ZNF605: variants seen among roughly 807,000 people sequenced by gnomAD.
ZNF605 encodes the protein zinc finger protein 605.
ZNF605 carries 9 observed loss-of-function variants against 7.9 expected under a neutral mutation model. That is an observed-to-expected ratio of 1.14 (90% CI 0.68 to 1.98). The LOEUF is 1.98. Among genes scored for constraint, ZNF605 ranks in the 30% most tolerant of loss-of-function variants. The pLI, the probability that ZNF605 is intolerant of heterozygous loss-of-function variation, is 0.00. For synonymous variants in ZNF605, 255 were observed against 260.1 expected, an observed-to-expected ratio of 0.98 and a Z score of 0.19; for missense variants, 673 against 762.4, an observed-to-expected ratio of 0.88 and a Z score of 1.38.
At chr12:132,937,800 G>C (rs893604048) in intron 3 of ZNF605, among the ~76,000 whole-genome samples, 3 of 152,166 alleles carry the variant, frequency 2.0e-5, no homozygotes, top group Non-Finnish European at 2.9e-5. Context: ...GAACAATTAA[G>C]ATGTCCTTCA....
At chr12:132,940,848 C>T (rs1952429148) in intron 3 of ZNF605, among the ~76,000 whole-genome samples, 8 of 152,082 alleles carry the variant, frequency 5.3e-5, no homozygotes, top group Non-Finnish European at 4.4e-5. Context: ...ATCCTGTCGC[C>T]CAGGTGGTGA....
intron 3 of ZNF605, among the ~76,000 whole-genome samples, chr12:132,942,051 T>G (rs976994032): frequency 3.9e-5 from 6 of 152,228 alleles, no homozygotes; most frequent in Non-Finnish European, 8.8e-5. Flanking sequence ...TTTTTGGTTA[T>G]GTAAAAATAT....
rs2137134020 is a variant in ZNF605 at position 132,933,558 on chromosome 12, T to C, written c.16-403A>G. Among the ~76,000 whole-genome samples the C allele has an allele frequency of 1.3e-5, 2 of 152,330 alleles. No individual in the cohort carries two copies. Among genetic ancestry groups the C allele is most frequent in the African/African-American group, 4.8e-5 (2 of 41,582 alleles). On this transcript the variant is annotated intron_variant, in intron 3 of 4. Coordinates refer to ENST00000360187, the MANE Select transcript of ZNF605 (RefSeq NM_183238.4). This position sits in a 1 kb window ranked among gnomAD's most constrained non-coding sequence, Gnocchi z 4.4. ...CCTCGCTGCAGCCCTTCTCAACACC[T>C]TCATCACTGCATCATGTGAGACCCT...
intron 1 of ZNF605, chr12:132,948,698 G>A (rs1471963774): frequency 6.6e-6 from 1 of 152,118 alleles, no homozygotes; most frequent in Non-Finnish European, 1.5e-5. Context: ...GTTAGGACTG[G>A]ATATTAGCAA....
chr12:132,925,638 T>C lies in ZNF605; in HGVS notation c.1661A>G (p.Asn554Ser). 3 of 1,613,962 alleles carry C rather than the reference T, an allele frequency of 1.9e-6. No individual in the cohort carries two copies. The highest frequency in any genetic ancestry group is 1.3e-5 in the African/African-American group (1 of 75,002). Reference sequence around the variant, plus strand: ...TCCATAGGTTTTCTCTCCTGTGTGATTTCTTTGATGCTTAATGAGCTGCAC... The same window carrying C: ...TCCATAGGTTTTCTCTCCTGTGTGACTTCTTTGATGCTTAATGAGCTGCAC... ...QKVQLIKHQR[N>S]HTGEKTYGCS... is the part of the protein sequence containing the mutation. The change falls in exon 5 of 5, where the codon AAT becomes AGT. Residue 554 changes from asparagine (N) to serine (S), a missense_variant. Transcript: ENST00000360187.
Position 132,925,310 on chromosome 12 carries a change from CAA to C in ZNF605, c.*61_*62del. ...AGGGTTTCTCTCCCACATGCATCCTCAAAAGTGTCAGAAAGTATGACACTTGA... is the reference window on the plus strand; with the variant it reads ...AGGGTTTCTCTCCCACATGCATCCTCAAGTGTCAGAAAGTATGACACTTGA... On this transcript the variant is annotated 3_prime_UTR_variant, in exon 5 of 5. Transcript: ENST00000360187. 2 of 1,300,450 alleles carry C rather than the reference CAA, an allele frequency of 1.5e-6. No homozygotes were observed. Among genetic ancestry groups the C allele is most frequent in the South Asian group, 1.5e-5 (1 of 66,954 alleles). 80.6% of individuals were successfully genotyped at this position (1,300,450 alleles called of 1,614,324 possible).
rs1225681333 is a variant in ZNF605, at chr12:132,918,868, G to C, written c.*6505C>G. ...CCCAAAGTGCTGGGATGACAGGCGT[G>C]AGCCATCGCACCTGGCCAGCCTTAC... On this transcript the variant is annotated 3_prime_UTR_variant, in exon 5 of 5. Coordinates refer to ENST00000360187, the MANE Select transcript of ZNF605 (RefSeq NM_183238.4). 6.6e-6 allele frequency: 1 copy of C among 152,310 alleles called. No homozygotes were observed. The highest frequency in any genetic ancestry group is 2.4e-5 in the African/African-American group (1 of 41,458). 9.4% of individuals were successfully genotyped at this position (152,310 alleles called of 1,614,324 possible). A position where few individuals can be genotyped will look rare whatever the true frequency, so the allele number is the denominator to read the frequency against.
chr12:132,954,849 C>A (rs1414669734), intron 1 of ZNF605, among the ~76,000 whole-genome samples: 1 of 152,088 alleles, frequency 6.6e-6, no homozygotes, highest in Non-Finnish European at 1.5e-5. Flanking sequence ...CAACTTGCAA[C>A]AGGTCCACCA....
chr12:132,926,231 C>G lies in ZNF605; in HGVS notation c.1068G>C (p.Gln356His). 1 of 1,614,176 alleles carries G rather than the reference C, an allele frequency of 6.2e-7. No homozygotes were observed. Among genetic ancestry groups the G allele is most frequent in the Non-Finnish European group, 8.5e-7 (1 of 1,180,026 alleles). ...FSRNSLLIRH[Q>H]RIHTGEKPYE... ...AGGGCTTCTCTCCTGTATGAATCCT[C>G]TGATGCCTAATGAGAAGTGAGTTCC... Residue 356 changes from glutamine (Q) to histidine (H), a missense_variant, in exon 5 of 5, where the codon CAG (glutamine) becomes CAC (histidine). Gln to His is a conservative substitution (Grantham distance 24). Coordinates refer to ENST00000360187, the MANE Select transcript of ZNF605 (RefSeq NM_183238.4).
chr12:132,931,185 A>C (rs1952305106), intron 4 of ZNF605, among the ~76,000 whole-genome samples: 1 of 152,146 alleles, frequency 6.6e-6, no homozygotes, highest in African/African-American at 2.4e-5. Flanking sequence ...GTCTCAAAAA[A>C]ATTTTTTAAA....
intron 1 of ZNF605, among the ~76,000 whole-genome samples, chr12:132,953,756 G>A (rs1360620817): frequency 2.0e-5 from 3 of 151,814 alleles, no homozygotes; most frequent in South Asian, 2.1e-4. Flanking sequence ...CACATTCACC[G>A]CAAATGGCAA....
Position 132,933,541 on chromosome 12 carries a change from C to G in ZNF605, c.16-386G>C, listed in dbSNP as rs938472941. Among the ~76,000 whole-genome samples the G allele has an allele frequency of 6.6e-6, 1 of 152,212 alleles. No homozygotes were observed. Among genetic ancestry groups the G allele is most frequent in the Non-Finnish European group, 1.5e-5 (1 of 68,036 alleles). On this transcript the variant is annotated intron_variant, in intron 3 of 4. Transcript: ENST00000360187. This position sits in a 1 kb window ranked among gnomAD's most constrained non-coding sequence, Gnocchi z 4.4. ...GGAGGAGCCAGCTCCTTCCTCGCTG[C>G]AGCCCTTCTCAACACCTTCATCACT...
At chr12:132,938,774 G>A (rs1359663179) in intron 3 of ZNF605, among the ~76,000 whole-genome samples, 4 of 152,246 alleles carry the variant, frequency 2.6e-5, no homozygotes, top group South Asian at 2.1e-4. Flanking sequence ...AGCGGGAACC[G>A]GGGCTGTGTG....
intron 4 of ZNF605, among the ~76,000 whole-genome samples, chr12:132,927,527 G>T (rs11610530): frequency 6.6e-6 from 1 of 151,638 alleles, no homozygotes; most frequent in African/African-American, 2.4e-5. Flanking sequence ...CACCACACCC[G>T]GCTACTTTTT....
rs771283701 is a variant in ZNF605 at position 132,925,605 on chromosome 12, T to G, written c.1694A>C (p.Asp565Ala). The change falls in exon 5 of 5, where the codon GAT (aspartate) becomes GCT (alanine). Residue 565 changes from aspartate (D) to alanine (A), a missense_variant. Asp to Ala is a moderately radical substitution (Grantham distance 126, BLOSUM62 -2). Transcript: ENST00000360187. ...HTGEKTYGCSDCAKAFFEKAQ... is the reference protein window; with the variant it reads ...HTGEKTYGCSACAKAFFEKAQ... ...CTTCTCAAAGAAAGCTTTTGCACAA[T>G]CGCTGCATCCATAGGTTTTCTCTCC... The G allele has an allele frequency of 1.1e-5, 18 of 1,614,206 alleles. No homozygotes were observed. The African/African-American group carries it at 1.7e-4, about 16-fold the overall frequency.
At chr12:132,937,462 T>C (rs1268725906) in intron 3 of ZNF605, among the ~76,000 whole-genome samples, 1 of 151,202 alleles carries the variant, frequency 6.6e-6, no homozygotes, top group Non-Finnish European at 1.5e-5. Flanking sequence ...AAAACTATAA[T>C]GAAAAACTAC....
rs1952182846 is a variant in ZNF605 at position 132,919,321 on chromosome 12, T to G, written c.*6052A>C. On this transcript the variant is annotated 3_prime_UTR_variant, in exon 5 of 5. Coordinates refer to ENST00000360187, the MANE Select transcript of ZNF605 (RefSeq NM_183238.4). Reference sequence around the variant, plus strand: ...GCTCAAGCTCTCCTCTCCTCCCAGCTGGGCCTCCCAAAGTCCTGGGATTGC... The same window carrying G: ...GCTCAAGCTCTCCTCTCCTCCCAGCGGGGCCTCCCAAAGTCCTGGGATTGC... 1 of 150,992 alleles carries G rather than the reference T, an allele frequency of 6.6e-6. No homozygotes were observed. 9.4% of individuals were successfully genotyped at this position (150,992 alleles called of 1,614,324 possible).
Position 132,926,765 on chromosome 12 carries a change from A to T in ZNF605, c.534T>A (p.Phe178Leu). Residue 178 changes from phenylalanine to leucine, a missense_variant, in exon 5 of 5, where the codon TTT becomes TTA. Transcript: ENST00000360187. Reference sequence around the variant, plus strand: ...GTATAACAAGTTGTGACTTCTTGTTAAAAAATCTGCCACATTCCATGCATA... The same window carrying T: ...GTATAACAAGTTGTGACTTCTTGTTTAAAAATCTGCCACATTCCATGCATA... ...VYLCMECGRF[F>L]NKKSQLVIHQ... The T allele has an allele frequency of 6.2e-7, 1 of 1,613,856 alleles. No homozygotes were observed. The highest frequency in any genetic ancestry group is 8.5e-7 in the Non-Finnish European group (1 of 1,179,770).
chr12:132,948,307 T>A (rs1377649398), intron 1 of ZNF605, 37 bp from the exon 2 acceptor site: 4 of 152,192 alleles, frequency 2.6e-5, no homozygotes, highest in African/African-American at 9.7e-5. Context: ...TCCTGTAAAC[T>A]TGGGAGACAA....
Sources: allele counts gnomAD v4.1 joint callset (sites outside exome capture counted in the v4.1 genomes callset), GRCh38; gene constraint gnomAD v4.1.1; non-coding constraint Gnocchi (gnomAD v3.1); transcripts MANE v1.5; gene names NCBI Gene and HGNC (gene_info 2026-07-23, HGNC 2026-07-21).